HNRNPA2B1: variants seen among roughly 807,000 people sequenced by gnomAD.
HNRNPA2B1 encodes heterogeneous nuclear ribonucleoproteins A2/B1.
In HNRNPA2B1, 3 loss-of-function variants were observed where a neutral mutation model predicts 46.3. That is an observed-to-expected ratio of 0.06 (90% CI 0.03 to 0.17). HNRNPA2B1 has a LOEUF of 0.17. Ranked by LOEUF, HNRNPA2B1 falls within the 10% of genes least tolerant of loss-of-function variation. The pLI, the probability that HNRNPA2B1 is intolerant of heterozygous loss-of-function variation, is 1.00. For synonymous variants in HNRNPA2B1, 225 were observed against 133.8 expected (o/e 1.68, Z -4.70); for missense variants, 221 against 418.9 (o/e 0.53, Z 4.12).
Position 26,197,381 on chromosome 7 carries a change from G to C in HNRNPA2B1, c.198C>G (p.Ala66=). 6.2e-7 allele frequency: 1 copy of C among 1,613,934 alleles called. No individual in the cohort carries two copies. The highest frequency in any genetic ancestry group is 8.5e-7 in the Non-Finnish European group (1 of 1,179,884). The change falls in exon 3 of 11, where the codon GCC becomes GCG. Residue 66 remains alanine (A), a synonymous_variant. Transcript: ENST00000618183. ...CAATTGAATGAGGTCTTGCAGCCAT[G>C]GCAGCATCAACCTCAGCCATGGATG... ...TFSSMAEVDA[A]MAARPHSIDG... is the part of the protein sequence containing the mutation.
At chr7:26,193,882 T>C (rs1783191865) in intron 7 of HNRNPA2B1, among the ~76,000 whole-genome samples, 188 bp from the exon 8 acceptor site, 1 of 152,236 alleles carries the variant, frequency 6.6e-6, no homozygotes, top group Admixed American at 6.5e-5. Context: ...CTCAGCCAAA[T>C]GGATAACACC....
In HNRNPA2B1 at chr7:26,195,926, A is replaced by T; in HGVS notation, c.659-17T>A. ...CATATCCATCTGTTAGGGGCCAAAA[A>T]AAGATTACGTTTACTATAAACTGTT... On this transcript the variant is annotated splice_polypyrimidine_tract_variant and intron_variant, in intron 6 of 10. Transcript: ENST00000618183. The T allele has an allele frequency of 1.9e-6, 3 of 1,596,782 alleles. No individual in the cohort carries two copies. Among genetic ancestry groups the T allele is most frequent in the Non-Finnish European group, 2.6e-6 (3 of 1,175,526 alleles).
At chr7:26,193,787 C>T in intron 7 of HNRNPA2B1, 93 bp from the exon 8 acceptor site, 1 of 1,073,870 alleles carries the variant, frequency 9.3e-7, no homozygotes, top group Non-Finnish European at 1.4e-6. Flanking sequence ...TCCAAGTTTC[C>T]ATGTGAAATA....
Position 26,191,482 on chromosome 7 carries a change from A to G in HNRNPA2B1, c.*878T>C, listed in dbSNP as rs1782915444. 1 of 152,188 alleles carries G rather than the reference A, an allele frequency of 6.6e-6. No homozygotes were observed. Among genetic ancestry groups the G allele is most frequent in the Non-Finnish European group, 1.5e-5 (1 of 68,008 alleles). 9.4% of individuals were successfully genotyped at this position (152,188 alleles called of 1,614,324 possible). ...CTCTACACCCTCAGCTTTCGTTGGCATCCTTATAAACTACTGTAGTTAAAG... is the reference window on the plus strand; with the variant it reads ...CTCTACACCCTCAGCTTTCGTTGGCGTCCTTATAAACTACTGTAGTTAAAG... On this transcript the variant is annotated 3_prime_UTR_variant, in exon 11 of 11. Coordinates refer to ENST00000618183, the MANE Select transcript of HNRNPA2B1 (RefSeq NM_002137.4).
chr7:26,193,484 C>T (rs1280619805), intron 8 of HNRNPA2B1, 91 bp downstream of exon 8: 4 of 1,523,584 alleles, frequency 2.6e-6, no homozygotes, highest in Non-Finnish European at 3.5e-6. Context: ...ATTTTATGGG[C>T]ATCTAGTGAC....
chr7:26,200,565 C>T lies in HNRNPA2B1; in HGVS notation c.6+7G>A. On this transcript the variant is annotated splice_region_variant and intron_variant, in intron 1 of 10. Transcript: ENST00000618183. ...TTTCAATAACTCATTGATTTCAAAC[C>T]CGTTACCTCCATCGCGGACTCAGTC... The T allele has an allele frequency of 1.2e-6, 2 of 1,613,378 alleles. No homozygotes were observed. The highest frequency in any genetic ancestry group is 2.2e-5 in the East Asian group (1 of 44,888).
At chr7:26,196,294 T>A in intron 6 of HNRNPA2B1, 107 bp downstream of exon 6, 1 of 893,812 alleles carries the variant, frequency 1.1e-6, no homozygotes. Flanking sequence ...TTTGAAGTCT[T>A]AGGAAAATTG....
At chr7:26,195,092 C>CAAAAAAAAAAAAAAAAAAAAAAAAA (rs11356411) in intron 7 of HNRNPA2B1, among the ~76,000 whole-genome samples, 5 of 51,950 alleles carry the variant, frequency 9.6e-5, no homozygotes, top group South Asian at 5.7e-4. Flanking sequence ...GGCTCCGTCT[C>CAAAAAAAAAAAAAAAAAAAAAAAAA]AAAAAAAAAA....
intron 7 of HNRNPA2B1, among the ~76,000 whole-genome samples, chr7:26,194,684 C>T (rs529907147): frequency 1.3e-5 from 2 of 151,818 alleles, no homozygotes; most frequent in Admixed American, 1.3e-4. Context: ...CAAAGCCAGA[C>T]CCCATTTCAA....
At chr7:26,194,676 A>G (rs1005065737) in intron 7 of HNRNPA2B1, among the ~76,000 whole-genome samples, 2 of 152,034 alleles carry the variant, frequency 1.3e-5, no homozygotes, top group African/African-American at 4.8e-5. Context: ...CTGAGCAACA[A>G]AGCCAGACCC....
At chr7:26,198,160 A>G (rs968492800) in intron 1 of HNRNPA2B1, 10 of 275,794 alleles carry the variant, frequency 3.6e-5, no homozygotes, top group Non-Finnish European at 5.3e-5. Flanking sequence ...ACATCAGAAA[A>G]TAACTCTTGG....
intron 9 of HNRNPA2B1, 101 bp from the exon 10 acceptor site, chr7:26,192,678 A>C (rs1783034400): frequency 3.1e-6 from 3 of 956,200 alleles, no homozygotes; most frequent in Admixed American, 3.6e-5. Context: ...CCAGTCTTTT[A>C]AACAAGCAGA....
chr7:26,200,579 G>A lies in HNRNPA2B1; in HGVS notation c.-2C>T, dbSNP rs751634866. 5.0e-6 allele frequency: 8 copies of A among 1,613,256 alleles called. No individual in the cohort carries two copies. Among genetic ancestry groups the A allele is most frequent in the Admixed American group, 1.7e-5 (1 of 60,006 alleles). ...TGATTTCAAACCCGTTACCTCCATC[G>A]CGGACTCAGTCGCTTCAGCCCGATT... On this transcript the variant is annotated 5_prime_UTR_variant, in exon 1 of 11. Transcript: ENST00000618183.
chr7:26,197,109 T>C, intron 3 of HNRNPA2B1, 92 bp from the exon 4 acceptor site: 1 of 1,152,126 alleles, frequency 8.7e-7, no homozygotes, highest in Non-Finnish European at 1.3e-6. Context: ...TTCGCTTGTA[T>C]CCACCTTAAA....
At chr7:26,193,446 A>G in intron 8 of HNRNPA2B1, 73 bp from the exon 9 acceptor site, 4 of 1,544,404 alleles carry the variant, frequency 2.6e-6, no homozygotes, top group East Asian at 2.3e-5. Flanking sequence ...TCCCATAAAA[A>G]CAAATAAAAG....
rs1490474376 is a variant in HNRNPA2B1, at chr7:26,191,125, A to G, written c.*1235T>C. ...AATATACTTGTCCATGGTTCATATC[A>G]ATGCTAAAATTCCGGCAGGGAAAAA... is the stretch of plus-strand genomic sequence containing the variant. On this transcript the variant is annotated 3_prime_UTR_variant, in exon 11 of 11. Coordinates refer to ENST00000618183, the MANE Select transcript of HNRNPA2B1 (RefSeq NM_002137.4). 1 of 152,186 alleles carries G rather than the reference A, an allele frequency of 6.6e-6. No individual in the cohort carries two copies. Among genetic ancestry groups the G allele is most frequent in the Non-Finnish European group, 1.5e-5 (1 of 67,904 alleles). 9.4% of individuals were successfully genotyped at this position (152,186 alleles called of 1,614,324 possible). A position where few individuals can be genotyped will look rare whatever the true frequency, so the allele number is the denominator to read the frequency against.
rs901091737 is a variant in HNRNPA2B1 at position 26,190,110 on chromosome 7, A to G, written c.*2250T>C. 1.3e-5 allele frequency: 2 copies of G among 152,776 alleles called. No homozygotes were observed. The highest frequency in any genetic ancestry group is 1.3e-4 in the Admixed American group (2 of 15,306). 9.5% of individuals were successfully genotyped at this position (152,776 alleles called of 1,614,324 possible). A position where few individuals can be genotyped will look rare whatever the true frequency, so the allele number is the denominator to read the frequency against. On this transcript the variant is annotated 3_prime_UTR_variant, in exon 11 of 11. Transcript: ENST00000618183. ...CAAGATTCACACATTTTATGTGTAA[A>G]CATTACACCAAGTATTTGGATACAA...
intron 8 of HNRNPA2B1, 60 bp downstream of exon 8, chr7:26,193,515 A>G (rs1783145339): frequency 1.3e-6 from 2 of 1,552,392 alleles, no homozygotes; most frequent in South Asian, 2.4e-5. Context: ...ACAAAAGATC[A>G]AGTGTTACAA....
In HNRNPA2B1 at chr7:26,190,139, GTA is replaced by G. The variant is rs1404160223; in HGVS notation, c.*2219_*2220del. On this transcript the variant is annotated 3_prime_UTR_variant, in exon 11 of 11. Transcript: ENST00000618183. ...TACACCAAGTATTTGGATACAAAAA[GTA>G]TTTATTTTATAAACTTTATATTTAA... 1 of 152,488 alleles carries G rather than the reference GTA, an allele frequency of 6.6e-6. No individual in the cohort carries two copies. The highest frequency in any genetic ancestry group is 2.4e-5 in the African/African-American group (1 of 41,422). The allele number at this position is 152,488 out of a possible 1,614,324, so 9.4% of individuals were successfully genotyped here.
Sources: gnomAD v4.1 joint callset for allele counts (sites outside exome capture counted in the v4.1 genomes callset) on GRCh38, gnomAD v4.1.1 for gene constraint, MANE v1.5 for transcripts, NCBI Gene and HGNC (gene_info 2026-07-23, HGNC 2026-07-21) for gene names.